DNM3: variants seen among roughly 807,000 people sequenced by gnomAD.
The protein encoded by DNM3 is dynamin-3.
In DNM3, 47 loss-of-function variants were observed where a neutral mutation model predicts 101.6. That is an observed-to-expected ratio of 0.46 (90% CI 0.37 to 0.59). DNM3 has a LOEUF of 0.59. Ranked by LOEUF, DNM3 falls within the 20% of genes least tolerant of loss-of-function variation. The probability of loss-of-function intolerance (pLI) is 0.00; values close to 1 mark genes in which losing one functional copy is unlikely to be tolerated. For synonymous variants in DNM3, 385 were observed against 387.9 expected (o/e 0.99, Z 0.09); for missense variants, 849 against 1,085.7 (o/e 0.78, Z 3.06).
At chr1:172,247,570 A>C (rs1557877462) in intron 14 of DNM3, among the ~76,000 whole-genome samples, 1 of 152,104 alleles carries the variant, frequency 6.6e-6, no homozygotes, top group Non-Finnish European at 1.5e-5. Flanking sequence ...ATTTGGTGCC[A>C]TTAGTGCATA....
intron 2 of DNM3, among the ~76,000 whole-genome samples, chr1:171,955,079 T>C (rs189897045): frequency 8.5e-5 from 13 of 152,332 alleles, no homozygotes; most frequent in African/African-American, 2.9e-4. Context: ...TGCTAAGTGA[T>C]AGCAACCTTC....
rs1345747608 is a variant in DNM3, at chr1:171,867,380, C to G, written c.161+25563C>G. ...AAATTTGTATTTTAATATGGCTGTT[C>G]GTGCTTCAAACCTCACATATTTGGA... On this transcript the variant is annotated intron_variant, in intron 1 of 20. Coordinates refer to ENST00000627582, the MANE Select transcript of DNM3 (RefSeq NM_015569.5). 3.3e-5 allele frequency among the ~76,000 whole-genome samples: 5 copies of G among 152,298 alleles called. No individual in the cohort carries two copies. In the East Asian group the frequency reaches 9.6e-4, roughly 29 times the overall value.
chr1:171,893,001 G>C (rs534632660), intron 1 of DNM3, among the ~76,000 whole-genome samples: 1 of 150,330 alleles, frequency 6.7e-6, no homozygotes, highest in African/African-American at 2.5e-5. Flanking sequence ...GGTCTGTGGC[G>C]CAAGAGTTGG....
intron 15 of DNM3, among the ~76,000 whole-genome samples, chr1:172,292,666 C>G (rs534406080): frequency 6.6e-6 from 1 of 151,978 alleles, no homozygotes; most frequent in African/African-American, 2.4e-5. Flanking sequence ...TAAGTTGGTG[C>G]AAAAGTATTG....
intron 2 of DNM3, among the ~76,000 whole-genome samples, chr1:171,942,507 T>A (rs556349734): frequency 6.6e-6 from 1 of 152,286 alleles, no homozygotes; most frequent in Non-Finnish European, 1.5e-5. Context: ...GAATATTAGA[T>A]GTTAATTGAA....
At chr1:171,890,876 A>T (rs1042366396) in intron 1 of DNM3, among the ~76,000 whole-genome samples, 1 of 152,160 alleles carries the variant, frequency 6.6e-6, no homozygotes, top group Non-Finnish European at 1.5e-5. Flanking sequence ...ATAATACTGG[A>T]CATGGTTTCT....
chr1:172,238,213 C>T (rs948510108), intron 14 of DNM3, among the ~76,000 whole-genome samples: 4 of 152,102 alleles, frequency 2.6e-5, no homozygotes, highest in African/African-American at 9.7e-5. Flanking sequence ...TTAATTCTCA[C>T]AAGAACTCAC....
intron 15 of DNM3, among the ~76,000 whole-genome samples, chr1:172,270,836 G>A (rs2063055641): frequency 6.6e-6 from 1 of 151,960 alleles, no homozygotes; most frequent in African/African-American, 2.4e-5. Flanking sequence ...AAAGTACTGT[G>A]GGTATAAAGG....
chr1:172,292,161 T>G (rs1357937671), intron 15 of DNM3, among the ~76,000 whole-genome samples: 2 of 152,212 alleles, frequency 1.3e-5, no homozygotes, highest in African/African-American at 4.8e-5. Flanking sequence ...ATTTACCTTA[T>G]CTTTGGCATT....
At chr1:172,070,591 T>A (rs1177605363) in intron 11 of DNM3, among the ~76,000 whole-genome samples, 2 of 152,192 alleles carry the variant, frequency 1.3e-5, no homozygotes, top group African/African-American at 2.4e-5. Flanking sequence ...TTTAGTAAAA[T>A]GGCATGTTCA....
chr1:172,319,771 T>G (rs1383839658), intron 16 of DNM3, among the ~76,000 whole-genome samples: 4 of 152,202 alleles, frequency 2.6e-5, no homozygotes, highest in African/African-American at 4.8e-5. Context: ...GGAACACTTT[T>G]ACACTGTTGG....
At chr1:172,166,802 T>A (rs920021211) in intron 14 of DNM3, among the ~76,000 whole-genome samples, 1 of 152,044 alleles carries the variant, frequency 6.6e-6, no homozygotes, top group African/African-American at 2.4e-5. Flanking sequence ...TCTTCCTGCC[T>A]TTTTGCTCTA....
chr1:172,075,796 G>T (rs1201057927), intron 11 of DNM3, among the ~76,000 whole-genome samples: 1 of 152,102 alleles, frequency 6.6e-6, no homozygotes, highest in Admixed American at 6.6e-5. Flanking sequence ...TGGCTATATG[G>T]GCTCTTTTTT....
intron 9 of DNM3, 90 bp downstream of exon 9, chr1:172,044,542 A>G: frequency 1.8e-6 from 2 of 1,093,086 alleles, no homozygotes; most frequent in South Asian, 1.5e-5. Flanking sequence ...TCTTTTCATC[A>G]TTGAATAGGG....
chr1:172,365,678 T>C (rs4504922), intron 17 of DNM3, among the ~76,000 whole-genome samples: 109,678 of 151,842 alleles, frequency 0.72, 42,821 homozygotes, highest in East Asian at 0.88. Context: ...TCCATAAACC[T>C]CAAGGTGAGA....
At chr1:172,282,564 A>G (rs2063530976) in intron 15 of DNM3, among the ~76,000 whole-genome samples, 1 of 152,174 alleles carries the variant, frequency 6.6e-6, no homozygotes, top group African/African-American at 2.4e-5. Flanking sequence ...AGCCCTCAAG[A>G]CTTAAAAAAA....
At chr1:172,132,119 A>C (rs1484942791) in intron 14 of DNM3, among the ~76,000 whole-genome samples, 1 of 152,182 alleles carries the variant, frequency 6.6e-6, no homozygotes, top group East Asian at 1.9e-4. Flanking sequence ...TGTGATAGCA[A>C]AACTATGTAC....
chr1:171,891,268 T>A (rs189245445), intron 1 of DNM3, among the ~76,000 whole-genome samples: 1 of 152,182 alleles, frequency 6.6e-6, no homozygotes, highest in East Asian at 1.9e-4. Flanking sequence ...TCACAGCTTT[T>A]TCCAAATTAT....
chr1:172,289,505 T>G, intron 15 of DNM3: 2 of 906,748 alleles, frequency 2.2e-6, no homozygotes, highest in Non-Finnish European at 2.6e-6. Flanking sequence ...GAATTCTGTT[T>G]TATTGTCTGA....
Sources: gnomAD v4.1 joint callset for allele counts (sites outside exome capture counted in the v4.1 genomes callset) on GRCh38, gnomAD v4.1.1 for gene constraint, MANE v1.5 for transcripts, NCBI Gene and HGNC (gene_info 2026-07-23, HGNC 2026-07-21) for gene names.